PPP3CA: variants seen among roughly 807,000 people sequenced by gnomAD.
The protein encoded by PPP3CA is protein phosphatase 3 catalytic subunit alpha.
PPP3CA carries 14 observed loss-of-function variants against 66.5 expected under a neutral mutation model. That is an observed-to-expected ratio of 0.21 (90% CI 0.14 to 0.33). The LOEUF (loss-of-function observed/expected upper bound fraction) is 0.33, where lower values mean the gene tolerates loss of function less well. PPP3CA is among the 10% of genes least tolerant of loss of function. The pLI is 1.00. For missense variants in PPP3CA, 317 were observed against 639.5 expected (o/e 0.50, Z 5.44); for synonymous variants, 232 against 226.2 (o/e 1.03, Z -0.23).
chr4:101,046,623 G>A (rs534227729), intron 10 of PPP3CA, among the ~76,000 whole-genome samples: 5 of 152,148 alleles, frequency 3.3e-5, no homozygotes, highest in African/African-American at 1.2e-4. Flanking sequence ...TCCAAATTCT[G>A]AGAAAATTTT....
At chr4:101,296,179 C>T (rs1017102538) in intron 1 of PPP3CA, among the ~76,000 whole-genome samples, 1 of 151,988 alleles carries the variant, frequency 6.6e-6, no homozygotes, top group Admixed American at 6.5e-5. Flanking sequence ...GAATTACCAA[C>T]CTTATAAAAG....
At chr4:101,196,962 A>G (rs1433597810) in intron 1 of PPP3CA, among the ~76,000 whole-genome samples, 1 of 152,218 alleles carries the variant, frequency 6.6e-6, no homozygotes, top group East Asian at 1.9e-4. Flanking sequence ...CCAAAGGTCT[A>G]TGGTCAGAGA....
At chr4:101,068,645 C>G (rs1393232890) in intron 8 of PPP3CA, among the ~76,000 whole-genome samples, 1 of 152,102 alleles carries the variant, frequency 6.6e-6, no homozygotes, top group East Asian at 1.9e-4. Context: ...TTCATGAACA[C>G]AGTCTCTACA....
At chr4:101,130,575 GAAGAGAGTGGGGGCC>G (rs897743577) in intron 2 of PPP3CA, among the ~76,000 whole-genome samples, 4 of 152,206 alleles carry the variant, frequency 2.6e-5, no homozygotes, top group African/African-American at 9.6e-5. Context: ...CTACAAGCCA[GAAGAGAGTGGGGGCC>G]AATATTCAGC....
chr4:101,095,714 C>T (rs541319006), intron 5 of PPP3CA, among the ~76,000 whole-genome samples: 9 of 152,260 alleles, frequency 5.9e-5, no homozygotes, highest in African/African-American at 1.9e-4. Flanking sequence ...TGCAGTGGCA[C>T]GATCTCGGCT....
intron 1 of PPP3CA, among the ~76,000 whole-genome samples, chr4:101,216,147 T>C (rs1725445526): frequency 1.3e-5 from 2 of 152,160 alleles, no homozygotes; most frequent in South Asian, 4.1e-4. Context: ...TACATATGAA[T>C]GCAAAGGAAA....
Position 101,033,292 on chromosome 4 carries a change from AAACAC to A in PPP3CA, c.1242-933_1242-929del, listed in dbSNP as rs768788180. Among the ~76,000 whole-genome samples, 258 of 88,164 alleles carry A rather than the reference AAACAC, an allele frequency of 2.9e-3. 1 individual carries two copies. Among genetic ancestry groups the A allele is most frequent in the South Asian group, 4.6e-3 (13 of 2,818 alleles). The allele number at this position is 88,164 out of a possible 152,430, so 57.8% of individuals were successfully genotyped here. On this transcript the variant is annotated intron_variant, in intron 11 of 13. Coordinates refer to ENST00000394854, the MANE Select transcript of PPP3CA (RefSeq NM_000944.5). ...TACATAGAGACACACACACACACAC[AAACAC>A]ACACACACACACACACACACACACA...
intron 2 of PPP3CA, among the ~76,000 whole-genome samples, chr4:101,162,726 T>C (rs1723559069): frequency 6.6e-6 from 1 of 152,086 alleles, no homozygotes; most frequent in African/African-American, 2.4e-5. Flanking sequence ...GCTAATTACA[T>C]ACAGTTTAAA....
intron 2 of PPP3CA, among the ~76,000 whole-genome samples, chr4:101,156,438 T>C (rs909123045): frequency 2.0e-5 from 3 of 152,142 alleles, no homozygotes; most frequent in African/African-American, 7.2e-5. Context: ...CCCAGCACTT[T>C]GGGAGGCTGA....
chr4:101,026,553 CAGGAGCTAAA>C (rs1455608505), intron 13 of PPP3CA, among the ~76,000 whole-genome samples: 1 of 152,118 alleles, frequency 6.6e-6, no homozygotes, highest in African/African-American at 2.4e-5. Context: ...GGGCTTAAAG[CAGGAGCTAAA>C]AGGAGCTAGA....
At chr4:101,199,775 T>G (rs1724912568) in intron 1 of PPP3CA, among the ~76,000 whole-genome samples, 1 of 152,162 alleles carries the variant, frequency 6.6e-6, no homozygotes, top group Admixed American at 6.5e-5. Flanking sequence ...GACATGAAAT[T>G]GTTTCTTTTT....
intron 2 of PPP3CA, among the ~76,000 whole-genome samples, chr4:101,134,243 A>C (rs1364183500): frequency 6.6e-6 from 1 of 152,224 alleles, no homozygotes; most frequent in Non-Finnish European, 1.5e-5. Context: ...GACAAATAGG[A>C]TCTAATTAAA....
chr4:101,092,297 A>G (rs967655206), intron 6 of PPP3CA, among the ~76,000 whole-genome samples: 2 of 152,212 alleles, frequency 1.3e-5, no homozygotes, highest in African/African-American at 4.8e-5. Context: ...CAAATGTAAG[A>G]AGGAATTAAA....
chr4:101,209,438 C>T (rs977561630), intron 1 of PPP3CA, among the ~76,000 whole-genome samples: 1 of 152,164 alleles, frequency 6.6e-6, no homozygotes, highest in African/African-American at 2.4e-5. Context: ...GTCACCCAAC[C>T]TCTTCTGAAC....
chr4:101,187,282 A>C (rs975429348), intron 2 of PPP3CA, among the ~76,000 whole-genome samples: 2 of 152,136 alleles, frequency 1.3e-5, no homozygotes, highest in African/African-American at 4.8e-5. Flanking sequence ...CTGAACCAGA[A>C]GTTTGAAAAT....
intron 1 of PPP3CA, among the ~76,000 whole-genome samples, chr4:101,299,800 A>G (rs777169016): frequency 1.3e-5 from 2 of 152,196 alleles, no homozygotes; most frequent in African/African-American, 2.4e-5. Flanking sequence ...ACTTATTTTC[A>G]TCAGGTCATA....
chr4:101,273,753 T>A (rs1483432958), intron 1 of PPP3CA, among the ~76,000 whole-genome samples: 1 of 152,018 alleles, frequency 6.6e-6, no homozygotes, highest in Non-Finnish European at 1.5e-5. Context: ...TCAGAATGAA[T>A]GAAAGAATAG....
intron 2 of PPP3CA, among the ~76,000 whole-genome samples, chr4:101,131,471 C>T (rs1231357456): frequency 6.8e-6 from 1 of 148,062 alleles, no homozygotes; most frequent in Admixed American, 6.7e-5. Context: ...ATAAAACAGA[C>T]TTTAAACCAA....
In PPP3CA at chr4:101,130,128, A is replaced by T. The variant is rs142986104; in HGVS notation, c.260-21050T>A. On this transcript the variant is annotated intron_variant, in intron 2 of 13. Coordinates refer to ENST00000394854, the MANE Select transcript of PPP3CA (RefSeq NM_000944.5). ...CATAGAAGAAGCAACAGCCAAATTGACCAAGCGGAAGAAAGGATATCAGAG... is the reference window on the plus strand; with the variant it reads ...CATAGAAGAAGCAACAGCCAAATTGTCCAAGCGGAAGAAAGGATATCAGAG... 2.2e-4 allele frequency among the ~76,000 whole-genome samples: 34 copies of T among 152,130 alleles called. No individual in the cohort carries two copies. The East Asian group carries it at 5.8e-3, about 26-fold the overall frequency.
Sources: allele counts gnomAD v4.1 joint callset (sites outside exome capture counted in the v4.1 genomes callset), GRCh38; gene constraint gnomAD v4.1.1; transcripts MANE v1.5; gene names NCBI Gene and HGNC (gene_info 2026-07-23, HGNC 2026-07-21).